EXOC6B: variants seen among roughly 807,000 people sequenced by gnomAD.
EXOC6B encodes the protein exocyst complex component 6B, also known as SEC15 homolog B.
Under a neutral mutation model 113.5 loss-of-function variants are expected in EXOC6B, and 54 were observed. That is an observed-to-expected ratio of 0.48 (90% CI 0.38 to 0.60). The LOEUF is 0.60. Among genes scored for constraint, EXOC6B ranks in the 20% least tolerant of loss-of-function variants. The pLI is 0.00. For missense variants in EXOC6B, 797 were observed against 977.5 expected, an observed-to-expected ratio of 0.82 and a Z score of 2.46; for synonymous variants, 357 against 339.0, an observed-to-expected ratio of 1.05 and a Z score of -0.58.
intron 20 of EXOC6B, among the ~76,000 whole-genome samples, chr2:72,293,180 T>C (rs1298558696): frequency 6.6e-6 from 1 of 152,198 alleles, no homozygotes; most frequent in Non-Finnish European, 1.5e-5. Context: ...ACTTGTTTGC[T>C]CTGCATCCTC....
chr2:72,647,669 A>G (rs1673840618), intron 6 of EXOC6B, among the ~76,000 whole-genome samples: 1 of 152,242 alleles, frequency 6.6e-6, no homozygotes, highest in Admixed American at 6.5e-5. Context: ...GACAAAAACA[A>G]GAAATGGGGA....
At chr2:72,332,184 G>A (rs1008673475) in intron 20 of EXOC6B, among the ~76,000 whole-genome samples, 3 of 151,802 alleles carry the variant, frequency 2.0e-5, no homozygotes, top group African/African-American at 7.3e-5. Context: ...CTTAACTTGG[G>A]CTTCCTATTT....
chr2:72,769,003 G>A (rs116255457), intron 1 of EXOC6B, among the ~76,000 whole-genome samples: 2,488 of 152,258 alleles, frequency 0.016, 65 homozygotes, highest in African/African-American at 0.057. Context: ...AGCTACTTGG[G>A]ATTAGACAAG....
chr2:72,515,538 G>A, intron 8 of EXOC6B: 2 of 1,009,384 alleles, frequency 2.0e-6, no homozygotes, highest in East Asian at 2.1e-4. Context: ...ATGAACAAAG[G>A]GGCAATGGGA....
At chr2:72,651,850 T>C (rs1303672128) in intron 6 of EXOC6B, among the ~76,000 whole-genome samples, 1 of 152,166 alleles carries the variant, frequency 6.6e-6, no homozygotes, top group East Asian at 1.9e-4. Context: ...CCTGACCTTG[T>C]GATCCGCCCA....
chr2:72,394,144 C>T (rs2105125343), intron 18 of EXOC6B, among the ~76,000 whole-genome samples: 1 of 152,222 alleles, frequency 6.6e-6, no homozygotes, highest in South Asian at 2.1e-4. Context: ...TGATTTATTA[C>T]AACTTTTATT....
At chr2:72,793,142 T>C (rs1684769114) in intron 1 of EXOC6B, among the ~76,000 whole-genome samples, 1 of 152,174 alleles carries the variant, frequency 6.6e-6, no homozygotes, top group African/African-American at 2.4e-5. Context: ...TGTACATTTG[T>C]GCTGTGAACA....
rs191946402 is a variant in EXOC6B, at chr2:72,686,931, G to A, written c.669+31172C>T. ...AGGCAGGCAGATCACGAGGTCAGGA[G>A]ATGGAGACCATCCTGCCTAAGACAG... On this transcript the variant is annotated intron_variant, in intron 6 of 21. Coordinates refer to ENST00000272427, the MANE Select transcript of EXOC6B (RefSeq NM_015189.3). 5.9e-5 allele frequency among the ~76,000 whole-genome samples: 9 copies of A among 152,240 alleles called. No homozygotes were observed. The East Asian group carries it at 1.7e-3, about 29-fold the overall frequency.
At chr2:72,412,878 CT>C (rs1573064394) in intron 18 of EXOC6B, among the ~76,000 whole-genome samples, 2 of 152,068 alleles carry the variant, frequency 1.3e-5, no homozygotes, top group African/African-American at 4.8e-5. Context: ...GTAGAAGAAG[CT>C]TTTGTTCTAG....
At chr2:72,574,311 A>G (rs1704694611) in intron 7 of EXOC6B, among the ~76,000 whole-genome samples, 1 of 152,148 alleles carries the variant, frequency 6.6e-6, no homozygotes, top group Non-Finnish European at 1.5e-5. Context: ...GAGATACATA[A>G]CAGAAGTCAG....
chr2:72,506,590 A>G (rs1419873159), intron 11 of EXOC6B, among the ~76,000 whole-genome samples: 1 of 152,206 alleles, frequency 6.6e-6, no homozygotes, highest in African/African-American at 2.4e-5. Context: ...TTAAATGAAT[A>G]TCTTATATAT....
At chr2:72,296,381 G>C (rs1254385220) in intron 20 of EXOC6B, among the ~76,000 whole-genome samples, 1 of 152,056 alleles carries the variant, frequency 6.6e-6, no homozygotes, top group Non-Finnish European at 1.5e-5. Context: ...CAATGCCACT[G>C]TCCTCTTCAT....
At chr2:72,636,680 TTTCCTTAAC>T (rs1672858442) in intron 6 of EXOC6B, among the ~76,000 whole-genome samples, 1 of 152,132 alleles carries the variant, frequency 6.6e-6, no homozygotes, top group African/African-American at 2.4e-5. Context: ...TAGAGATGAA[TTTCCTTAAC>T]TTGATAAAAT....
chr2:72,255,063 G>A (rs1683272186), intron 20 of EXOC6B, among the ~76,000 whole-genome samples: 1 of 152,136 alleles, frequency 6.6e-6, no homozygotes, highest in Non-Finnish European at 1.5e-5. Context: ...TCAAGCCAAG[G>A]GTGTGGCTGG....
In EXOC6B at chr2:72,632,746, A is replaced by G. The variant is rs547869534; in HGVS notation, c.670-57078T>C. 1.2e-3 allele frequency among the ~76,000 whole-genome samples: 182 copies of G among 152,164 alleles called. 1 individual carries two copies. The highest frequency in any genetic ancestry group is 4.2e-3 in the African/African-American group (175 of 41,508). On this transcript the variant is annotated intron_variant, in intron 6 of 21. Coordinates refer to ENST00000272427, the MANE Select transcript of EXOC6B (RefSeq NM_015189.3). ...TCCCAGGCTGGAGTACAGTGGCACA[A>G]TCATGGCTCAGTGCAGTCTTGACCT... is the stretch of plus-strand genomic sequence containing the variant.
chr2:72,822,424 G>A (rs1052086695), intron 1 of EXOC6B, among the ~76,000 whole-genome samples: 3 of 152,086 alleles, frequency 2.0e-5, no homozygotes, highest in East Asian at 3.8e-4. Flanking sequence ...AAAAAGAAGA[G>A]GTGGTATATC....
intron 6 of EXOC6B, among the ~76,000 whole-genome samples, chr2:72,641,203 T>A (rs369500794): frequency 1.2e-4 from 19 of 152,246 alleles, no homozygotes; most frequent in African/African-American, 4.3e-4. Flanking sequence ...TTCATCTAAT[T>A]GGGACTGGTT....
intron 19 of EXOC6B, among the ~76,000 whole-genome samples, chr2:72,358,627 A>G (rs546597357): frequency 2.6e-5 from 4 of 152,338 alleles, no homozygotes; most frequent in African/African-American, 9.6e-5. Flanking sequence ...TTGAAGATCC[A>G]GGTTTTAAAG....
At chr2:72,352,583 G>A (rs914270101) in intron 19 of EXOC6B, among the ~76,000 whole-genome samples, 1 of 151,856 alleles carries the variant, frequency 6.6e-6, no homozygotes, top group Non-Finnish European at 1.5e-5. Context: ...AATACTAGAA[G>A]TAGATTAAAT....
Sources: allele counts gnomAD v4.1 joint callset (sites outside exome capture counted in the v4.1 genomes callset), GRCh38; gene constraint gnomAD v4.1.1; transcripts MANE v1.5; gene names NCBI Gene and HGNC (gene_info 2026-07-23, HGNC 2026-07-21).